Variants in TXNRD1 observed in about 807,000 individuals in gnomAD.
The protein encoded by TXNRD1 is thioredoxin reductase 1.
Under a neutral mutation model 80.3 loss-of-function variants are expected in TXNRD1, and 57 were observed. The ratio of observed to expected loss-of-function variants is 0.71; its 90% CI spans 0.57 to 0.89. The LOEUF (loss-of-function observed/expected upper bound fraction) is 0.89. Ranked by LOEUF, TXNRD1 falls within the 40% of genes least tolerant of loss-of-function variation. The pLI is 0.00. For missense variants in TXNRD1, 730 were observed against 803.0 expected (o/e 0.91, Z 1.10); for synonymous variants, 291 against 285.2 (o/e 1.02, Z -0.20).
chr12:104,310,097 C>T (rs2035077881), intron 4 of TXNRD1: 1 of 1,516,190 alleles, frequency 6.6e-7, no homozygotes, highest in Non-Finnish European at 8.8e-7. Flanking sequence ...GCAGTTTGGG[C>T]TGGTAAGTTT....
At chr12:104,257,052 T>G (rs2033269547) in intron 2 of TXNRD1, among the ~76,000 whole-genome samples, 1 of 151,138 alleles carries the variant, frequency 6.6e-6, no homozygotes, top group Non-Finnish European at 1.5e-5. Flanking sequence ...GCCTTTTAAA[T>G]TTTATTGTAT....
intron 1 of TXNRD1, among the ~76,000 whole-genome samples, chr12:104,248,999 A>G (rs945976270): frequency 1.9e-4 from 29 of 152,202 alleles, no homozygotes; most frequent in African/African-American, 6.3e-4. Flanking sequence ...ATTACAAGCG[A>G]GAAATTACAA....
At chr12:104,302,486 CTTTTTTT>C (rs772202256) in intron 4 of TXNRD1, among the ~76,000 whole-genome samples, 4 of 76,226 alleles carry the variant, frequency 5.2e-5, no homozygotes, top group Admixed American at 1.9e-4. Context: ...TATTCATTCC[CTTTTTTT>C]TTTTTTTTTT....
chr12:104,258,077 C>G lies in TXNRD1; in HGVS notation c.302C>G (p.Thr101Arg). The change falls in exon 3 of 17, where the codon ACA (threonine) becomes AGA (arginine). Residue 101 changes from threonine to arginine, a missense_variant and splice_region_variant. Physicochemically the swap from Thr to Arg is moderately conservative, Grantham distance 71. Coordinates refer to ENST00000525566, the MANE Select transcript of TXNRD1 (RefSeq NM_001093771.3). ...TATTTTGTGCTTGAACTTGATCAAA[C>G]AGGTAAGTTTCTGTTTAATATGTAA... ...VPYFVLELDQ[T>R]EDGRALEGTL... 6.5e-7 allele frequency: 1 copy of G among 1,547,590 alleles called. No homozygotes were observed. Among genetic ancestry groups the G allele is most frequent in the Admixed American group, 2.0e-5 (1 of 50,498 alleles).
intron 2 of TXNRD1, among the ~76,000 whole-genome samples, chr12:104,254,758 C>T (rs1461921574): frequency 1.0e-5 from 1 of 100,084 alleles, no homozygotes; most frequent in Admixed American, 1.1e-4. Context: ...TTACAGTGAG[C>T]TATGATTATA....
chr12:104,242,699 G>A (rs2032900869), intron 1 of TXNRD1, among the ~76,000 whole-genome samples: 1 of 152,098 alleles, frequency 6.6e-6, no homozygotes, highest in Non-Finnish European at 1.5e-5. Flanking sequence ...CCCTGTGGTA[G>A]AGCCCAACCC....
intron 3 of TXNRD1, chr12:104,265,654 C>T (rs973340239): frequency 3.1e-6 from 5 of 1,606,222 alleles, no homozygotes; most frequent in African/African-American, 1.3e-5. Context: ...CATGGGTGCC[C>T]GGCACCGCGC....
chr12:104,252,690 ATTTTTTTTTTTTTTTT>A (rs869239974), intron 2 of TXNRD1, among the ~76,000 whole-genome samples: 3 of 39,658 alleles, frequency 7.6e-5, no homozygotes, highest in African/African-American at 2.3e-4. Context: ...ATATATATAT[ATTTTTTTTTTTTTTTT>A]TTTTTTTTTT....
intron 13 of TXNRD1, among the ~76,000 whole-genome samples, chr12:104,329,436 C>T (rs1389598011): frequency 6.6e-6 from 1 of 151,706 alleles, no homozygotes; most frequent in African/African-American, 2.4e-5. Context: ...GATCACTTGC[C>T]CAGGAATTCG....
At chr12:104,260,703 T>C (rs2033349101) in intron 3 of TXNRD1, among the ~76,000 whole-genome samples, 1 of 152,204 alleles carries the variant, frequency 6.6e-6, no homozygotes, top group Admixed American at 6.5e-5. Flanking sequence ...AAATAAAATT[T>C]CTTCTGGGTC....
intron 4 of TXNRD1, among the ~76,000 whole-genome samples, chr12:104,294,442 C>T (rs922199418): frequency 2.0e-5 from 3 of 152,004 alleles, no homozygotes; most frequent in African/African-American, 7.3e-5. Flanking sequence ...CTCACTATGT[C>T]CCCTCAGCTC....
chr12:104,320,196 A>T (rs1042349110), intron 9 of TXNRD1, among the ~76,000 whole-genome samples: 21 of 152,364 alleles, frequency 1.4e-4, no homozygotes, highest in Admixed American at 1.3e-3. Context: ...GGAGCTTTCA[A>T]TTATGAAGTC....
At chr12:104,289,087 AG>A (rs2034083576) in intron 4 of TXNRD1, 47 bp downstream of exon 4, 1 of 1,583,970 alleles carries the variant, frequency 6.3e-7, no homozygotes, top group African/African-American at 1.3e-5. Context: ...GAGCTCGTTG[AG>A]CTCAGCGTGG....
chr12:104,247,224 T>C (rs1398983284), intron 1 of TXNRD1, among the ~76,000 whole-genome samples: 1 of 152,140 alleles, frequency 6.6e-6, no homozygotes, highest in African/African-American at 2.4e-5. Context: ...CCCGCCATTA[T>C]GCCTGGCTAA....
At chr12:104,290,710 A>AAT (rs1164563402) in intron 4 of TXNRD1, among the ~76,000 whole-genome samples, 2 of 88,312 alleles carry the variant, frequency 2.3e-5, no homozygotes, top group African/African-American at 7.8e-5. Flanking sequence ...AAAAAAAAAA[A>AAT]AGAAATATAC....
intron 3 of TXNRD1, among the ~76,000 whole-genome samples, chr12:104,269,860 C>T (rs554665555): frequency 3.9e-5 from 6 of 151,966 alleles, no homozygotes; most frequent in African/African-American, 7.2e-5. Flanking sequence ...TGAGCCCCCG[C>T]GCCCAGCCCA....
chr12:104,319,904 G>T (rs961291754), intron 9 of TXNRD1, among the ~76,000 whole-genome samples: 2 of 152,118 alleles, frequency 1.3e-5, no homozygotes, highest in African/African-American at 4.8e-5. Flanking sequence ...AAACCAAATG[G>T]ATATTCACAA....
chr12:104,240,901 C>G (rs1325062768), intron 1 of TXNRD1, among the ~76,000 whole-genome samples: 2 of 151,858 alleles, frequency 1.3e-5, no homozygotes, highest in African/African-American at 2.4e-5. Context: ...CGCCACCATG[C>G]CTGGCTAATT....
chr12:104,233,141 A>C (rs2032660729), intron 1 of TXNRD1, among the ~76,000 whole-genome samples: 1 of 152,244 alleles, frequency 6.6e-6, no homozygotes, highest in Non-Finnish European at 1.5e-5. Flanking sequence ...AGAACAAATA[A>C]CTTGGTTAAA....
Sources: allele counts gnomAD v4.1 joint callset (sites outside exome capture counted in the v4.1 genomes callset), GRCh38; gene constraint gnomAD v4.1.1; transcripts MANE v1.5; gene names NCBI Gene and HGNC (gene_info 2026-07-23, HGNC 2026-07-21).